Variants in HKDC1 observed in about 807,000 individuals in gnomAD.
HKDC1 encodes hexokinase HKDC1.
In HKDC1, 66 loss-of-function variants were observed where a neutral mutation model predicts 96.6. The observed-to-expected ratio is 0.68, with a 90% confidence interval of 0.56 to 0.84. The LOEUF is 0.84. Ranked by LOEUF, HKDC1 falls within the 40% of genes least tolerant of loss-of-function variation. The pLI, the probability that HKDC1 is intolerant of heterozygous loss-of-function variation, is 0.00. For synonymous variants in HKDC1, 466 were observed against 473.1 expected (o/e 0.98, Z 0.20); for missense variants, 1,211 against 1,208.1 (o/e 1.00, Z -0.04).
At chr10:69,240,115 A>G (rs1460716374) in intron 5 of HKDC1, among the ~76,000 whole-genome samples, 3 of 152,214 alleles carry the variant, frequency 2.0e-5, no homozygotes, top group Admixed American at 2.0e-4. Context: ...ATGCCACTGG[A>G]TAAACATGCT....
At chr10:69,253,775 A>T (rs1159388260) in intron 12 of HKDC1, among the ~76,000 whole-genome samples, 1 of 152,210 alleles carries the variant, frequency 6.6e-6, no homozygotes, top group African/African-American at 2.4e-5. Context: ...CACTGTCGCC[A>T]GGGCCTGACA....
intron 14 of HKDC1, 139 bp downstream of exon 14, chr10:69,257,565 C>G: frequency 1.4e-6 from 1 of 712,378 alleles, no homozygotes; most frequent in Non-Finnish European, 2.4e-6. Context: ...AATTGGGATT[C>G]CAGGTCACCA....
chr10:69,261,375 A>G, intron 16 of HKDC1, 81 bp downstream of exon 16: 1 of 1,416,896 alleles, frequency 7.1e-7, no homozygotes, highest in Non-Finnish European at 9.8e-7. Flanking sequence ...TTTGAGGTTT[A>G]AAAATAAAAA....
At chr10:69,265,342 T>C in intron 16 of HKDC1, 1 of 522,048 alleles carries the variant, frequency 1.9e-6, no homozygotes, top group Non-Finnish European at 3.4e-6. Flanking sequence ...AGATCACAGA[T>C]ATGAACATGC....
chr10:69,257,498 G>A, intron 14 of HKDC1, 72 bp downstream of exon 14: 1 of 1,189,354 alleles, frequency 8.4e-7, no homozygotes, highest in Non-Finnish European at 1.3e-6. Context: ...AACATAGTGA[G>A]AGGGTGGGCA....
chr10:69,228,631 C>T (rs548732113), intron 2 of HKDC1, among the ~76,000 whole-genome samples: 1 of 152,044 alleles, frequency 6.6e-6, no homozygotes, highest in Non-Finnish European at 1.5e-5. Flanking sequence ...TTTGGGAGGC[C>T]GAGGGGGGCA....
At position 69,265,781 on chromosome 10, in the gene HKDC1, G is replaced by A. The variant is rs1240729355; in HGVS notation, c.2569G>A (p.Val857Met). ...DQGLEHLRIT[V>M]GVDGTLYKLH... ...GGGGCTAGAGCACCTGAGGATCACT[G>A]TGGGTGTGGACGGCACCCTGTACAA... The change falls in exon 17 of 18, where the codon GTG becomes ATG. Residue 857 changes from valine (V) to methionine (M), a missense_variant. By Grantham distance (21) the Val-to-Met change is conservative. Coordinates refer to ENST00000354624, the MANE Select transcript of HKDC1 (RefSeq NM_025130.4). 4 of 1,613,572 alleles carry A rather than the reference G, an allele frequency of 2.5e-6. No homozygotes were observed. Among genetic ancestry groups the A allele is most frequent in the Non-Finnish European group, 3.4e-6 (4 of 1,179,802 alleles).
chr10:69,256,949 A>G, intron 12 of HKDC1, 87 bp from the exon 13 acceptor site: 1 of 987,226 alleles, frequency 1.0e-6, no homozygotes, highest in South Asian at 1.3e-5. Context: ...GCAGCCAGCT[A>G]TAGTGCTTTG....
chr10:69,232,754 TTCTTAA>T lies in HKDC1; in HGVS notation c.227-8_227-3del. 1.2e-6 allele frequency: 2 copies of T among 1,613,674 alleles called. No individual in the cohort carries two copies. Among genetic ancestry groups the T allele is most frequent in the Non-Finnish European group, 1.7e-6 (2 of 1,179,692 alleles). Reference sequence around the variant, plus strand: ...CTCAATAAATGGAAACTGAATTTGTTTCTTAATAGAAAATGGGGAGTTCCTTTCCCT... The same window carrying T: ...CTCAATAAATGGAAACTGAATTTGTTTAGAAAATGGGGAGTTCCTTTCCCT... On this transcript the variant is annotated splice_polypyrimidine_tract_variant and splice_region_variant and intron_variant, in intron 2 of 17. Transcript: ENST00000354624.
intron 2 of HKDC1, among the ~76,000 whole-genome samples, chr10:69,228,866 A>AAAAG (rs1270295053): frequency 6.6e-6 from 1 of 151,486 alleles, no homozygotes; most frequent in Non-Finnish European, 1.5e-5. Flanking sequence ...ACGCCATCAA[A>AAAAG]AAAGAAAGAA....
rs1478288633 is a variant in HKDC1 at position 69,261,213 on chromosome 10, G to C, written c.2291G>C (p.Gly764Ala). ...RQILIDLTKQ[G>A]LLFRGQISER... is the part of the protein sequence containing the mutation. Reference sequence around the variant, plus strand: ...ATCCTGATCGACCTGACCAAGCAGGGTCTCCTCTTCCGAGGGCAGATTTCA... The same window carrying C: ...ATCCTGATCGACCTGACCAAGCAGGCTCTCCTCTTCCGAGGGCAGATTTCA... Residue 764 changes from glycine (G) to alanine (A), a missense_variant, in exon 16 of 18, where the codon GGT (glycine) becomes GCT (alanine). Transcript: ENST00000354624. 6 of 1,614,056 alleles carry C rather than the reference G, an allele frequency of 3.7e-6. No individual in the cohort carries two copies. The highest frequency in any genetic ancestry group is 3.3e-5 in the Admixed American group (2 of 60,024).
chr10:69,222,692 C>G (rs577552700), intron 1 of HKDC1, among the ~76,000 whole-genome samples: 1 of 152,284 alleles, frequency 6.6e-6, no homozygotes, highest in South Asian at 2.1e-4. Context: ...GACAGTCAGC[C>G]TTTTTCAATG....
rs372441903 is a variant in HKDC1 at position 69,250,204 on chromosome 10, C to T, written c.1571-86C>T. 1.3e-4 allele frequency: 186 copies of T among 1,467,432 alleles called. 1 individual carries two copies. The East Asian group carries it at 3.1e-3, about 24-fold the overall frequency. 90.9% of individuals were successfully genotyped at this position (1,467,432 alleles called of 1,614,324 possible). On this transcript the variant is annotated intron_variant, in intron 10 of 17. Coordinates refer to ENST00000354624, the MANE Select transcript of HKDC1 (RefSeq NM_025130.4). ...GGCCCAGGAGTGCAGGCCCTGGGTCCGCTCTGCTCCGACGTCTCCTCTTCC... is the reference window on the plus strand; with the variant it reads ...GGCCCAGGAGTGCAGGCCCTGGGTCTGCTCTGCTCCGACGTCTCCTCTTCC...
At position 69,236,454 on chromosome 10, in the gene HKDC1, G is replaced by A. The variant is rs1212266879; in HGVS notation, c.496-2588G>A. On this transcript the variant is annotated intron_variant, in intron 4 of 17. Coordinates refer to ENST00000354624, the MANE Select transcript of HKDC1 (RefSeq NM_025130.4). ...GTCATATTACAATAAAGATTTTTCA[G>A]GTAAAATTTAAACTAAGGAAGGGCA... Among the ~76,000 whole-genome samples the A allele has an allele frequency of 3.3e-5, 5 of 151,008 alleles. No homozygotes were observed. In the East Asian group the frequency reaches 9.9e-4, roughly 30 times the overall value.
At chr10:69,245,963 C>A in intron 7 of HKDC1, 116 bp from the exon 8 acceptor site, 1 of 1,304,914 alleles carries the variant, frequency 7.7e-7, no homozygotes, top group Non-Finnish European at 1.1e-6. Context: ...AGGAGGGAAT[C>A]TTAGCTCAGC....
In HKDC1 at chr10:69,267,368, G is replaced by T. The variant is rs1484430560; in HGVS notation, c.*611G>T. On this transcript the variant is annotated 3_prime_UTR_variant, in exon 18 of 18. Coordinates refer to ENST00000354624, the MANE Select transcript of HKDC1 (RefSeq NM_025130.4). ...AGGAATCATTGCATGCTTAAAGCGAGTTATGTCAGCACCCTGTAGGATTTT... is the reference window on the plus strand; with the variant it reads ...AGGAATCATTGCATGCTTAAAGCGATTTATGTCAGCACCCTGTAGGATTTT... 4.8e-6 allele frequency: 2 copies of T among 413,840 alleles called. No individual in the cohort carries two copies. 25.6% of individuals were successfully genotyped at this position (413,840 alleles called of 1,614,324 possible).
intron 1 of HKDC1, 86 bp from the exon 2 acceptor site, chr10:69,227,121 C>A: frequency 1.4e-6 from 2 of 1,456,894 alleles, no homozygotes; most frequent in Non-Finnish European, 1.9e-6. Flanking sequence ...AGGAATGCAG[C>A]TTGCTGAGGG....
chr10:69,226,991 C>T (rs1843168393), intron 1 of HKDC1, among the ~76,000 whole-genome samples: 1 of 152,132 alleles, frequency 6.6e-6, no homozygotes, highest in Non-Finnish European at 1.5e-5. Flanking sequence ...GAAGTAACTC[C>T]ACACCTTCTC....
At chr10:69,232,132 T>C (rs1451049695) in intron 2 of HKDC1, among the ~76,000 whole-genome samples, 1 of 152,230 alleles carries the variant, frequency 6.6e-6, no homozygotes, top group African/African-American at 2.4e-5. Context: ...CATGAGCCAC[T>C]GTGCCCAGCC....
Sources: gnomAD v4.1 joint callset for allele counts (sites outside exome capture counted in the v4.1 genomes callset) on GRCh38, gnomAD v4.1.1 for gene constraint, MANE v1.5 for transcripts, NCBI Gene and HGNC (gene_info 2026-07-23, HGNC 2026-07-21) for gene names.